The following CRCT1 variants were observed in gnomAD, a reference collection of about 807,000 sequenced individuals.
The protein encoded by CRCT1 is cysteine-rich C-terminal protein 1.
For synonymous variants in CRCT1, 86 were observed against 60.3 expected (o/e 1.43, Z -1.98); for missense variants, 160 against 136.3 (o/e 1.17, Z -0.87).
intron 1 of CRCT1, 139 bp from the exon 2 acceptor site, chr1:152,515,223 C>G: frequency 1.6e-6 from 1 of 630,224 alleles, no homozygotes; most frequent in Admixed American, 3.6e-5. Context: ...TCTTTGCGTC[C>G]GCTCTTTCTG....
rs371616775 is a variant in CRCT1 at position 152,515,592 on chromosome 1, A to T, written c.209A>T (p.Gln70Leu). The change falls in exon 2 of 2, where the codon CAG (glutamine) becomes CTG (leucine). Residue 70 changes from glutamine to leucine, a missense_variant. Gln to Leu is a moderately radical substitution (Grantham distance 113, BLOSUM62 -2). Transcript: ENST00000368790. ...TGCTTCCCAAGGAGACGCCGCCGAC[A>T]GCGGAGTAGTGGTTGCTGCTGCTGC... ...CCCFPRRRRR[Q>L]RSSGCCCCGG... 2 of 1,592,636 alleles carry T rather than the reference A, an allele frequency of 1.3e-6. 1 individual carries two copies. Among genetic ancestry groups the T allele is most frequent in the Non-Finnish European group, 1.7e-6 (2 of 1,174,716 alleles).
chr1:152,515,409 C>G lies in CRCT1; in HGVS notation c.26C>G (p.Ser9Cys), dbSNP rs535002914. MSSQQSAVSAKGFSKGSSQ... is the reference protein window; with the variant it reads MSSQQSAVCAKGFSKGSSQ... Reference sequence around the variant, plus strand: ...ATGTCCTCTCAACAGAGCGCCGTTTCCGCCAAAGGCTTTTCCAAGGGGTCG... The same window carrying G: ...ATGTCCTCTCAACAGAGCGCCGTTTGCGCCAAAGGCTTTTCCAAGGGGTCG... The change falls in exon 2 of 2, where the codon TCC (serine) becomes TGC (cysteine). Residue 9 changes from serine to cysteine, a missense_variant. Coordinates refer to ENST00000368790, the MANE Select transcript of CRCT1 (RefSeq NM_019060.3). The G allele has an allele frequency of 4.0e-5, 63 of 1,561,822 alleles. No individual in the cohort carries two copies. Among genetic ancestry groups the G allele is most frequent in the Non-Finnish European group, 5.3e-5 (61 of 1,157,826 alleles).
intron 1 of CRCT1, among the ~76,000 whole-genome samples, chr1:152,514,870 AAG>A (rs1211633234): frequency 6.6e-6 from 1 of 152,192 alleles, no homozygotes; most frequent in Non-Finnish European, 1.5e-5. Context: ...GTAGGCAAGA[AAG>A]AATGATCAGG....
In CRCT1 at chr1:152,515,902, T is replaced by C. The variant is rs1271169331; in HGVS notation, c.*219T>C. 18 of 672,292 alleles carry C rather than the reference T, an allele frequency of 2.7e-5. No homozygotes were observed. In the South Asian group the frequency reaches 4.3e-4, roughly 16 times the overall value. 41.6% of individuals were successfully genotyped at this position (672,292 alleles called of 1,614,324 possible). A position where few individuals can be genotyped will look rare whatever the true frequency, so the allele number is the denominator to read the frequency against. ...GATTCGAGAGCCATGCGTGGGACAC[T>C]GGACCCTACTGTCTACACGGGCTTG... On this transcript the variant is annotated 3_prime_UTR_variant, in exon 2 of 2. Transcript: ENST00000368790.
Position 152,515,745 on chromosome 1 carries a change from C to A in CRCT1, c.*62C>A. Reference sequence around the variant, plus strand: ...CGCCCAGCCCAGAGCGGGCCCGCCCCGCTGCGGCTCCCACGCGGGGCTGGG... The same window carrying A: ...CGCCCAGCCCAGAGCGGGCCCGCCCAGCTGCGGCTCCCACGCGGGGCTGGG... On this transcript the variant is annotated 3_prime_UTR_variant, in exon 2 of 2. Transcript: ENST00000368790. 1 of 1,408,990 alleles carries A rather than the reference C, an allele frequency of 7.1e-7. No homozygotes were observed. Among genetic ancestry groups the A allele is most frequent in the Non-Finnish European group, 9.2e-7 (1 of 1,081,862 alleles). The allele number at this position is 1,408,990 out of a possible 1,614,324, so 87.3% of individuals were successfully genotyped here. A position where few individuals can be genotyped will look rare whatever the true frequency, so the allele number is the denominator to read the frequency against.
At position 152,515,759 on chromosome 1, in the gene CRCT1, C is replaced by G; in HGVS notation, c.*76C>G. Reference sequence around the variant, plus strand: ...CGGGCCCGCCCCGCTGCGGCTCCCACGCGGGGCTGGGCCTCGGAGTTTGCC... The same window carrying G: ...CGGGCCCGCCCCGCTGCGGCTCCCAGGCGGGGCTGGGCCTCGGAGTTTGCC... On this transcript the variant is annotated 3_prime_UTR_variant, in exon 2 of 2. Coordinates refer to ENST00000368790, the MANE Select transcript of CRCT1 (RefSeq NM_019060.3). 7.1e-7 allele frequency: 1 copy of G among 1,415,142 alleles called. No homozygotes were observed. The highest frequency in any genetic ancestry group is 1.6e-5 in the South Asian group (1 of 63,082). 87.7% of individuals were successfully genotyped at this position (1,415,142 alleles called of 1,614,324 possible). A position where few individuals can be genotyped will look rare whatever the true frequency, so the allele number is the denominator to read the frequency against.
intron 1 of CRCT1, 84 bp from the exon 2 acceptor site, chr1:152,515,277 TA>T: frequency 8.2e-7 from 1 of 1,225,076 alleles, no homozygotes; most frequent in Non-Finnish European, 1.1e-6. Context: ...ACTTGTACAC[TA>T]AGCCGAATCT....
Position 152,515,578 on chromosome 1 carries a change from G to T in CRCT1, c.195G>T (p.Arg65Ser). 1 of 1,595,262 alleles carries T rather than the reference G, an allele frequency of 6.3e-7. No individual in the cohort carries two copies. Among genetic ancestry groups the T allele is most frequent in the Non-Finnish European group, 8.5e-7 (1 of 1,176,144 alleles). The change falls in exon 2 of 2, where the codon AGG becomes AGT. Residue 65 changes from arginine (R) to serine (S), a missense_variant. Coordinates refer to ENST00000368790, the MANE Select transcript of CRCT1 (RefSeq NM_019060.3). The part of the protein sequence containing the change: ...SSSTSCCCFP[R>S]RRRRQRSSGC... The stretch of plus-strand genomic sequence containing the variant: ...CCACCAGTTGCTGCTGCTTCCCAAG[G>T]AGACGCCGCCGACAGCGGAGTAGTG...
chr1:152,515,331 G>C, intron 1 of CRCT1, 31 bp from the exon 2 acceptor site: 1 of 1,472,342 alleles, frequency 6.8e-7, no homozygotes, highest in Non-Finnish European at 9.0e-7. Context: ...GAAAAAGCCG[G>C]CTCGCCTTTG....
Position 152,515,515 on chromosome 1 carries a change from G to C in CRCT1, c.132G>C (p.Arg44Ser). ...CCTCCTCCTGCTGCGGCTCCGGCAG[G>C]GGCTGCTGCGGCGACTCAGGCTGCT... Reference protein sequence around the residue: ...ASSSSCCGSGRGCCGDSGCCG... With the variant: ...ASSSSCCGSGSGCCGDSGCCG... Residue 44 changes from arginine to serine, a missense_variant, in exon 2 of 2, where the codon AGG (arginine) becomes AGC (serine). Coordinates refer to ENST00000368790, the MANE Select transcript of CRCT1 (RefSeq NM_019060.3). 6.3e-7 allele frequency: 1 copy of C among 1,597,570 alleles called. No individual in the cohort carries two copies. The highest frequency in any genetic ancestry group is 8.5e-7 in the Non-Finnish European group (1 of 1,177,194).
chr1:152,515,610 G>C lies in CRCT1; in HGVS notation c.227G>C (p.Cys76Ser). The C allele has an allele frequency of 6.3e-7, 1 of 1,588,708 alleles. No homozygotes were observed. The highest frequency in any genetic ancestry group is 8.5e-7 in the Non-Finnish European group (1 of 1,171,882). Residue 76 changes from cysteine (C) to serine (S), a missense_variant, in exon 2 of 2, where the codon TGC becomes TCC. By Grantham distance (112) the Cys-to-Ser change is moderately radical. Coordinates refer to ENST00000368790, the MANE Select transcript of CRCT1 (RefSeq NM_019060.3). ...CGCCGACAGCGGAGTAGTGGTTGCT[G>C]CTGCTGCGGGGGCGGCAGCCAGAGG... ...RRRRQRSSGC[C>S]CCGGGSQRSQ...
At position 152,515,731 on chromosome 1, in the gene CRCT1, G is replaced by C. The variant is rs552781900; in HGVS notation, c.*48G>C. 2.9e-5 allele frequency: 41 copies of C among 1,425,422 alleles called. No homozygotes were observed. In the East Asian group the frequency reaches 1.0e-3, roughly 36 times the overall value. The allele number at this position is 1,425,422 out of a possible 1,614,324, so 88.3% of individuals were successfully genotyped here. A position where few individuals can be genotyped will look rare whatever the true frequency, so the allele number is the denominator to read the frequency against. On this transcript the variant is annotated 3_prime_UTR_variant, in exon 2 of 2. Coordinates refer to ENST00000368790, the MANE Select transcript of CRCT1 (RefSeq NM_019060.3). ...GCGCTAGAGAAACCCGCCCAGCCCA[G>C]AGCGGGCCCGCCCCGCTGCGGCTCC...
At position 152,515,350 on chromosome 1, in the gene CRCT1, C is replaced by A. The variant is rs762474200; in HGVS notation, c.-22-12C>A. 1.3e-5 allele frequency: 19 copies of A among 1,485,382 alleles called. 1 individual carries two copies. The South Asian group carries it at 2.3e-4, about 18-fold the overall frequency. 92.0% of individuals were successfully genotyped at this position (1,485,382 alleles called of 1,614,324 possible). On this transcript the variant is annotated splice_polypyrimidine_tract_variant and intron_variant, in intron 1 of 1. Coordinates refer to ENST00000368790, the MANE Select transcript of CRCT1 (RefSeq NM_019060.3). ...AAGCCGGCTCGCCTTTGAAAGGCTG[C>A]CTTTCTTCCAGGTTTGTCGTGAGGA...
In CRCT1 at chr1:152,515,452, G is replaced by T. The variant is rs1658720106; in HGVS notation, c.69G>T (p.Pro23=). ...AGGGGTCGTCCCAGGGCCCCGCTCCGTGTCCCGCCCCGGCGCCCACCCCGG... is the reference window on the plus strand; with the variant it reads ...AGGGGTCGTCCCAGGGCCCCGCTCCTTGTCCCGCCCCGGCGCCCACCCCGG... The part of the protein sequence containing the change: ...FSKGSSQGPA[P]CPAPAPTPAP... Residue 23 remains proline (P), a synonymous_variant, in exon 2 of 2, where the codon CCG becomes CCT. Transcript: ENST00000368790. The T allele has an allele frequency of 6.2e-7, 1 of 1,602,828 alleles. No individual in the cohort carries two copies. Among genetic ancestry groups the T allele is most frequent in the Non-Finnish European group, 8.5e-7 (1 of 1,177,070 alleles).
intron 1 of CRCT1, among the ~76,000 whole-genome samples, chr1:152,515,066 G>A (rs1658708894): frequency 6.6e-6 from 1 of 152,226 alleles, no homozygotes; most frequent in Non-Finnish European, 1.5e-5. Context: ...CAGATAAGTT[G>A]CCGCAGTGTG....
At position 152,515,548 on chromosome 1, in the gene CRCT1, C is replaced by T; in HGVS notation, c.165C>T (p.Ser55=). The T allele has an allele frequency of 6.3e-7, 1 of 1,595,712 alleles. No homozygotes were observed. The highest frequency in any genetic ancestry group is 1.3e-5 in the African/African-American group (1 of 74,804). ...GCGGCGACTCAGGCTGCTGCGGCTC[C>T]AGCTCCACCAGTTGCTGCTGCTTCC... The part of the protein sequence containing the change: ...GCCGDSGCCG[S]SSTSCCCFPR... Residue 55 remains serine (S), a synonymous_variant, in exon 2 of 2, where the codon TCC becomes TCT. Transcript: ENST00000368790.
rs1658739434 is a variant in CRCT1 at position 152,515,784 on chromosome 1, C to CCCG, written c.*102_*104dup. 5.7e-6 allele frequency: 8 copies of CCCG among 1,415,642 alleles called. No homozygotes were observed. The Middle Eastern group carries it at 7.9e-4, about 140-fold the overall frequency. 87.7% of individuals were successfully genotyped at this position (1,415,642 alleles called of 1,614,324 possible). A position where few individuals can be genotyped will look rare whatever the true frequency, so the allele number is the denominator to read the frequency against. On this transcript the variant is annotated 3_prime_UTR_variant, in exon 2 of 2. Coordinates refer to ENST00000368790, the MANE Select transcript of CRCT1 (RefSeq NM_019060.3). ...CGCGGGGCTGGGCCTCGGAGTTTGC[C>CCCG]CCGTAAAGCGAATTGCACTTTGATG... is the stretch of plus-strand genomic sequence containing the variant.
At chr1:152,514,795 C>T (rs1297047885) in intron 1 of CRCT1, among the ~76,000 whole-genome samples, 1 of 152,134 alleles carries the variant, frequency 6.6e-6, no homozygotes, top group Non-Finnish European at 1.5e-5. Context: ...CTTTCAGCTC[C>T]CTGGATGGGG....
chr1:152,515,617 C>CG lies in CRCT1; in HGVS notation c.239dup (p.Gly81ArgfsTer30). ...AGCGGAGTAGTGGTTGCTGCTGCTG[C>CG]GGGGGCGGCAGCCAGAGGTCCCAGC... On this transcript the variant is annotated frameshift_variant, in exon 2 of 2. Coordinates refer to ENST00000368790, the MANE Select transcript of CRCT1 (RefSeq NM_019060.3). LOFTEE classifies it high-confidence loss of function. 6.3e-7 allele frequency: 1 copy of CG among 1,585,788 alleles called. No homozygotes were observed. Among genetic ancestry groups the CG allele is most frequent in the Admixed American group, 1.7e-5 (1 of 57,832 alleles).
Sources: gnomAD v4.1 joint callset for allele counts (sites outside exome capture counted in the v4.1 genomes callset) on GRCh38, gnomAD v4.1.1 for gene constraint, MANE v1.5 for transcripts, NCBI Gene and HGNC (gene_info 2026-07-23, HGNC 2026-07-21) for gene names.